The following ZNF346 variants were observed in gnomAD, a reference collection of about 807,000 sequenced individuals.
The protein encoded by ZNF346 is zinc finger protein 346, also known as double-stranded RNA-binding zinc finger protein JAZ.
A neutral mutation model predicts 33.7 loss-of-function variants in ZNF346; 23 were observed. That is an observed-to-expected ratio of 0.68 (90% CI 0.49 to 0.97). The LOEUF is 0.97. Ranked by LOEUF, ZNF346 falls within the 50% of genes least tolerant of loss-of-function variation. The pLI, the probability that ZNF346 is intolerant of heterozygous loss-of-function variation, is 0.00. For missense variants in ZNF346, 340 were observed against 371.1 expected (o/e 0.92, Z 0.69); for synonymous variants, 134 against 142.4 (o/e 0.94, Z 0.42).
chr5:177,031,998 C>CTTTTTTTTTTTTTTTTT (rs34021834), intron 1 of ZNF346, among the ~76,000 whole-genome samples: 11 of 67,852 alleles, frequency 1.6e-4, no homozygotes, highest in Non-Finnish European at 2.4e-4. Context: ...TTTCTTTTTT[C>CTTTTTTTTTTTTTTTTT]TTTTTTTTTT....
intron 1 of ZNF346, among the ~76,000 whole-genome samples, chr5:177,028,036 GTCACTTTTTTTTTT>G (rs1777058041): frequency 1.0e-5 from 1 of 100,442 alleles, no homozygotes; most frequent in South Asian, 3.3e-4. Flanking sequence ...TTCTCCTTGT[GTCACTTTTTTTTTT>G]TTTTTTTTTT....
intron 1 of ZNF346, among the ~76,000 whole-genome samples, chr5:177,031,733 T>C (rs1641064583): frequency 1.3e-5 from 2 of 152,150 alleles, no homozygotes; most frequent in Admixed American, 1.3e-4. Flanking sequence ...CTTACACATA[T>C]GTTAGTATGC....
At chr5:177,078,028 TC>T (rs1783835918) in intron 8 of ZNF346, among the ~76,000 whole-genome samples, 1 of 152,082 alleles carries the variant, frequency 6.6e-6, no homozygotes, top group South Asian at 2.1e-4. Flanking sequence ...GTGCCTGTAA[TC>T]CCAGCTACTC....
chr5:177,027,672 A>G, intron 1 of ZNF346, among the ~76,000 whole-genome samples: 1 of 146,874 alleles, frequency 6.8e-6, no homozygotes, highest in South Asian at 2.2e-4. Flanking sequence ...TTTTTTTTAA[A>G]TTCTCTATTT....
At chr5:177,038,268 TGTGTG>T (rs142308508) in intron 1 of ZNF346, among the ~76,000 whole-genome samples, 25 of 140,018 alleles carry the variant, frequency 1.8e-4, no homozygotes, top group East Asian at 8.6e-4. Flanking sequence ...TTTTTTTTTT[TGTGTG>T]TGTGTGTTTT....
downstream of ZNF346, among the ~76,000 whole-genome samples, chr5:177,071,697 AG>A (rs55876515): frequency 0.42 from 59,925 of 143,750 alleles, 12,454 homozygotes; most frequent in Non-Finnish European, 0.45. Context: ...AAAAAAAAAA[AG>A]AAGAAGAAGA....
exon 9 of ZNF346, chr5:177,080,289 A>C (rs1004759430): frequency 1.3e-5 from 2 of 152,182 alleles, no homozygotes; most frequent in African/African-American, 4.8e-5. Flanking sequence ...CGGTCACAGG[A>C]GGGTGTTGCC....
Position 177,067,732 on chromosome 5 carries a change from G to A in ZNF346, c.*3133G>A, listed in dbSNP as rs935837122. On this transcript the variant is annotated 3_prime_UTR_variant, in exon 7 of 7. Coordinates refer to ENST00000358149, the MANE Select transcript of ZNF346 (RefSeq NM_012279.4). The stretch of plus-strand genomic sequence containing the variant: ...AGGATGCAGGAGCTGACTCAGCCAA[G>A]GGCATGAAAAAGCTGGAGAGGTTGG... Among the ~76,000 whole-genome samples the A allele has an allele frequency of 6.6e-5, 10 of 152,166 alleles. No homozygotes were observed. Among genetic ancestry groups the A allele is most frequent in the Admixed American group, 6.5e-5 (1 of 15,276 alleles).
At chr5:177,036,775 A>G (rs1019221420) in intron 1 of ZNF346, among the ~76,000 whole-genome samples, 2 of 151,968 alleles carry the variant, frequency 1.3e-5, no homozygotes, top group African/African-American at 2.4e-5. Context: ...TATGGAAGCT[A>G]TTTGTTTTCA....
chr5:177,074,451 G>C (rs1783649071), intron 8 of ZNF346, among the ~76,000 whole-genome samples: 1 of 152,154 alleles, frequency 6.6e-6, no homozygotes, highest in African/African-American at 2.4e-5. Context: ...AATGAGTTTT[G>C]ACCATACTGT....
At chr5:177,069,942 G>A (rs1011993281), downstream of ZNF346, among the ~76,000 whole-genome samples, 6 of 152,206 alleles carry the variant, frequency 3.9e-5, no homozygotes, top group Non-Finnish European at 7.3e-5. Flanking sequence ...GATTACAAGC[G>A]TGAGCCACCA....
downstream of ZNF346, among the ~76,000 whole-genome samples, chr5:177,068,430 G>T (rs1458198093): frequency 2.1e-5 from 3 of 144,132 alleles, no homozygotes; most frequent in Non-Finnish European, 4.4e-5. Context: ...AGGAAGAATT[G>T]TCTATCCCTC....
chr5:177,042,089 A>G lies in ZNF346; in HGVS notation c.372+219A>G, dbSNP rs546589640. On this transcript the variant is annotated intron_variant, in intron 3 of 6. Coordinates refer to ENST00000358149, the MANE Select transcript of ZNF346 (RefSeq NM_012279.4). ...ATTTTTTAGAACTAAAATTGAGGGC[A>G]GATTTATAAAAAGCACCCAATTCAG... The G allele has an allele frequency of 9.1e-6, 4 of 438,572 alleles. No individual in the cohort carries two copies. In the South Asian group the frequency reaches 1.8e-4, roughly 19 times the overall value. The allele number at this position is 438,572 out of a possible 1,614,324, so 27.2% of individuals were successfully genotyped here. A position where few individuals can be genotyped will look rare whatever the true frequency, so the allele number is the denominator to read the frequency against.
intron 1 of ZNF346, among the ~76,000 whole-genome samples, chr5:177,024,439 C>G (rs1776463936): frequency 1.3e-5 from 2 of 152,120 alleles, no homozygotes; most frequent in Admixed American, 1.3e-4. Flanking sequence ...CTCAAGTGAT[C>G]TGCCCGCCTT....
intron 5 of ZNF346, among the ~76,000 whole-genome samples, chr5:177,054,320 C>G (rs1475999151): frequency 1.3e-5 from 2 of 152,086 alleles, no homozygotes; most frequent in African/African-American, 4.8e-5. Context: ...ATCCACCCAC[C>G]TTGGCCTCCC....
downstream of ZNF346, among the ~76,000 whole-genome samples, chr5:177,071,875 C>G: frequency 6.6e-6 from 1 of 152,136 alleles, no homozygotes; most frequent in East Asian, 1.9e-4. Flanking sequence ...GTGCAAAGCC[C>G]TGTTACAGAG....
intron 1 of ZNF346, among the ~76,000 whole-genome samples, chr5:177,031,774 G>T (rs1159393202): frequency 1.6e-4 from 25 of 151,842 alleles, no homozygotes; most frequent in Non-Finnish European, 2.9e-5. Context: ...CTGAAGCTTT[G>T]TTCATTATTC....
chr5:177,074,867 A>G (rs1157203649), intron 8 of ZNF346, among the ~76,000 whole-genome samples: 2 of 151,640 alleles, frequency 1.3e-5, no homozygotes, highest in Non-Finnish European at 2.9e-5. Flanking sequence ...GGAGAACGAG[A>G]CCATCCTGGC....
intron 5 of ZNF346, among the ~76,000 whole-genome samples, chr5:177,060,912 C>T (rs1306467340): frequency 6.6e-6 from 1 of 151,936 alleles, no homozygotes; most frequent in East Asian, 1.9e-4. Context: ...AGATCAAGAC[C>T]ATCCTGGCTA....
Sources: allele counts gnomAD v4.1 joint callset (sites outside exome capture counted in the v4.1 genomes callset), GRCh38; gene constraint gnomAD v4.1.1; transcripts MANE v1.5; gene names NCBI Gene and HGNC (gene_info 2026-07-23, HGNC 2026-07-21).